ADGRL3: variants seen among roughly 807,000 people sequenced by gnomAD.
The protein encoded by ADGRL3 is adhesion G protein-coupled receptor L3.
ADGRL3 carries 62 observed loss-of-function variants against 153.5 expected under a neutral mutation model. The ratio of observed to expected loss-of-function variants is 0.40; its 90% CI spans 0.33 to 0.50. ADGRL3 has a LOEUF of 0.50. Among genes scored for constraint, ADGRL3 ranks in the 20% least tolerant of loss-of-function variants. The pLI is 0.47. For synonymous variants in ADGRL3, 710 were observed against 672.5 expected (o/e 1.06, Z -0.86); for missense variants, 1,641 against 1,859.4 (o/e 0.88, Z 2.16).
At chr4:61,598,054 C>A (rs1423954704) in intron 5 of ADGRL3, among the ~76,000 whole-genome samples, 1 of 151,954 alleles carries the variant, frequency 6.6e-6, no homozygotes, top group Non-Finnish European at 1.5e-5. Flanking sequence ...ATCATCCTTG[C>A]CTGAGGAGAT....
rs2098598366 is a variant in ADGRL3, at chr4:61,892,846, C to T, written c.1671C>T (p.Ser557=). The change falls in exon 10 of 27, where the codon TCC becomes TCT. Residue 557 remains serine (S), a synonymous_variant. Transcript: ENST00000683033. ...CCACACACCTTCCATCAGCATCGTC[C>T]CAAATCCCAGCTCTCGAAGAGAGCT... The part of the protein sequence containing the change: ...DMTTHLPSAS[S]QIPALEESCE... 3 of 1,613,248 alleles carry T rather than the reference C, an allele frequency of 1.9e-6. No individual in the cohort carries two copies. The South Asian group carries it at 3.3e-5, about 18-fold the overall frequency.
At chr4:61,237,598 C>T (rs1008354008) in intron 1 of ADGRL3, among the ~76,000 whole-genome samples, 2 of 151,906 alleles carry the variant, frequency 1.3e-5, no homozygotes, top group African/African-American at 4.8e-5. Context: ...CTGATAAGGA[C>T]CATAAAAGAT....
intron 9 of ADGRL3, among the ~76,000 whole-genome samples, chr4:61,885,106 G>A (rs1265796312): frequency 6.6e-6 from 1 of 151,728 alleles, no homozygotes; most frequent in Admixed American, 6.6e-5. Flanking sequence ...GCGAAGTCCC[G>A]TCTCTACCGA....
At chr4:61,252,153 G>A (rs915537505) in intron 1 of ADGRL3, among the ~76,000 whole-genome samples, 1 of 152,082 alleles carries the variant, frequency 6.6e-6, no homozygotes, top group Non-Finnish European at 1.5e-5. Context: ...AAAGTGTTGG[G>A]ATTACAGGCA....
intron 1 of ADGRL3, among the ~76,000 whole-genome samples, chr4:61,333,611 T>G (rs78298096): frequency 1.3e-5 from 2 of 152,128 alleles, no homozygotes; most frequent in Non-Finnish European, 2.9e-5. Flanking sequence ...TCTTTTGTTT[T>G]TTGACAGGAT....
intron 25 of ADGRL3, among the ~76,000 whole-genome samples, chr4:62,066,248 A>G (rs1421454604): frequency 6.6e-6 from 1 of 152,076 alleles, no homozygotes; most frequent in Non-Finnish European, 1.5e-5. Flanking sequence ...TACATGAAAT[A>G]TAGGTGGCTC....
chr4:61,310,041 A>C (rs1044432829), intron 1 of ADGRL3, among the ~76,000 whole-genome samples: 1 of 151,520 alleles, frequency 6.6e-6, no homozygotes, highest in African/African-American at 2.4e-5. Context: ...TAAACATTAG[A>C]TATAAATGCA....
At chr4:61,838,535 A>G (rs551141390) in intron 9 of ADGRL3, among the ~76,000 whole-genome samples, 12 of 152,206 alleles carry the variant, frequency 7.9e-5, no homozygotes, top group Non-Finnish European at 1.6e-4. Flanking sequence ...AGGTAAATTA[A>G]AACTACATTT....
At chr4:61,266,438 C>T (rs1174101179) in intron 1 of ADGRL3, among the ~76,000 whole-genome samples, 2 of 151,786 alleles carry the variant, frequency 1.3e-5, no homozygotes, top group African/African-American at 4.8e-5. Context: ...GAGTTCTAGA[C>T]TCTAAGAACA....
At chr4:61,396,276 T>C (rs147683393) in intron 2 of ADGRL3, among the ~76,000 whole-genome samples, 1,774 of 152,032 alleles carry the variant, frequency 0.012, 62 homozygotes, top group Admixed American at 0.065. Flanking sequence ...TTTATATTTA[T>C]GTTTAATATA....
At chr4:61,761,231 G>T (rs1276735832) in intron 8 of ADGRL3, among the ~76,000 whole-genome samples, 3 of 152,188 alleles carry the variant, frequency 2.0e-5, no homozygotes, top group African/African-American at 4.8e-5. Flanking sequence ...TGGCTAATTT[G>T]TTAGTCCTAC....
chr4:61,873,140 T>A (rs1316877826), intron 9 of ADGRL3, among the ~76,000 whole-genome samples: 2 of 152,158 alleles, frequency 1.3e-5, no homozygotes, highest in African/African-American at 2.4e-5. Flanking sequence ...AGCTAATAAT[T>A]AGTGATCATC....
chr4:61,959,133 A>G (rs966138008), intron 17 of ADGRL3, among the ~76,000 whole-genome samples: 15 of 152,198 alleles, frequency 9.9e-5, no homozygotes, highest in Admixed American at 6.5e-5. Flanking sequence ...TTAAAAAACT[A>G]AATCCAAATG....
At chr4:61,355,133 A>G (rs1039169726) in intron 1 of ADGRL3, among the ~76,000 whole-genome samples, 1 of 152,074 alleles carries the variant, frequency 6.6e-6, no homozygotes, top group African/African-American at 2.4e-5. Flanking sequence ...AAGACATTTA[A>G]CTAAGGTTCA....
intron 4 of ADGRL3, among the ~76,000 whole-genome samples, chr4:61,577,392 T>TGGCAGA (rs2098893704): frequency 6.6e-6 from 1 of 152,140 alleles, no homozygotes; most frequent in African/African-American, 2.4e-5. Flanking sequence ...TGTTTTATTC[T>TGGCAGA]TCACTAAGTT....
chr4:62,012,829 A>G (rs1053460305), intron 21 of ADGRL3, among the ~76,000 whole-genome samples: 2 of 152,196 alleles, frequency 1.3e-5, no homozygotes, highest in Admixed American at 6.5e-5. Context: ...ATCTTAGTGT[A>G]CAGTAATCTT....
intron 22 of ADGRL3, 61 bp downstream of exon 22, chr4:62,028,942 G>C (rs1720432719): frequency 4.2e-6 from 6 of 1,426,226 alleles, no homozygotes; most frequent in Non-Finnish European, 5.9e-6. Flanking sequence ...TGAACCAGCT[G>C]TCAGATCAGT....
chr4:61,354,419 T>G (rs2096120161), intron 1 of ADGRL3, among the ~76,000 whole-genome samples: 1 of 152,132 alleles, frequency 6.6e-6, no homozygotes, highest in African/African-American at 2.4e-5. Context: ...GTTAAGGCAA[T>G]ACAAATAATT....
rs2098455675 is a variant in ADGRL3, at chr4:61,510,149, T to C, written c.56-7166T>C. On this transcript the variant is annotated intron_variant, in intron 3 of 26. Transcript: ENST00000683033. ...TGCTTGTTGAATCATTTAAGCTCTC[T>C]GTAATATTAGATGTTTGTCAGATGC... Among the ~76,000 whole-genome samples, 5 of 152,290 alleles carry C rather than the reference T, an allele frequency of 3.3e-5. No individual in the cohort carries two copies. The South Asian group carries it at 1.0e-3, about 32-fold the overall frequency.
Sources: allele counts gnomAD v4.1 joint callset (sites outside exome capture counted in the v4.1 genomes callset), GRCh38; gene constraint gnomAD v4.1.1; transcripts MANE v1.5; gene names NCBI Gene and HGNC (gene_info 2026-07-23, HGNC 2026-07-21).